Variants in TMEM248 observed in about 807,000 individuals in gnomAD.
TMEM248 encodes the protein UPF0458 protein C7orf42.
A neutral mutation model predicts 30.3 loss-of-function variants in TMEM248; 9 were observed. The observed-to-expected ratio is 0.30, with a 90% CI of 0.18 to 0.52. TMEM248 has a LOEUF of 0.52. Among genes scored for constraint, TMEM248 ranks in the 20% least tolerant of loss-of-function variants. The pLI is 0.97. For missense variants in TMEM248, 338 were observed against 403.3 expected, an observed-to-expected ratio of 0.84 and a Z score of 1.39; for synonymous variants, 184 against 154.4, an observed-to-expected ratio of 1.19 and a Z score of -1.42.
intron 1 of TMEM248, among the ~76,000 whole-genome samples, chr7:66,926,827 T>C (rs1260971753): frequency 3.9e-5 from 6 of 152,198 alleles, no homozygotes; most frequent in Non-Finnish European, 7.3e-5. Context: ...ACAAGAGGTC[T>C]GTAGTGTTTT....
In TMEM248 at chr7:66,944,197, C is replaced by A. The variant is rs561849112; in HGVS notation, c.160-779C>A. Reference sequence around the variant, plus strand: ...TCCTCTCACTGCAACCTCCACCTCCCAGGTTCAAGCGATTCTCCTGCCTCA... The same window carrying A: ...TCCTCTCACTGCAACCTCCACCTCCAAGGTTCAAGCGATTCTCCTGCCTCA... On this transcript the variant is annotated intron_variant, in intron 2 of 6. Transcript: ENST00000341567. 1.8e-4 allele frequency among the ~76,000 whole-genome samples: 27 copies of A among 151,372 alleles called. 1 individual carries two copies. The South Asian group carries it at 3.8e-3, about 21-fold the overall frequency.
At chr7:66,936,241 G>C (rs146531144) in intron 1 of TMEM248, among the ~76,000 whole-genome samples, 100 of 152,198 alleles carry the variant, frequency 6.6e-4, no homozygotes, top group African/African-American at 2.1e-3. Context: ...TCTAAGCCCA[G>C]TTTTTTTGAG....
chr7:66,951,905 T>G (rs1389454383), intron 5 of TMEM248, among the ~76,000 whole-genome samples: 1 of 152,010 alleles, frequency 6.6e-6, no homozygotes, highest in Non-Finnish European at 1.5e-5. Flanking sequence ...CAAGCGATCC[T>G]CCTGCCTTGG....
Position 66,953,388 on chromosome 7 carries a change from C to G in TMEM248, c.924+19C>G, listed in dbSNP as rs763507512. 6.2e-7 allele frequency: 1 copy of G among 1,611,838 alleles called. No individual in the cohort carries two copies. On this transcript the variant is annotated intron_variant, in intron 6 of 6. Transcript: ENST00000341567. ...CGAGAAGGTGAGCGGTGGATGGGGT[C>G]CGGGCCAGCATTTTACTAGAGGTCT...
intron 3 of TMEM248, among the ~76,000 whole-genome samples, chr7:66,947,432 T>A (rs1792136684): frequency 6.6e-6 from 1 of 152,142 alleles, no homozygotes; most frequent in Non-Finnish European, 1.5e-5. Flanking sequence ...AGATGGAGTC[T>A]CACTCTGTCG....
Position 66,958,509 on chromosome 7 carries a change from A to G in TMEM248, c.*2987A>G, listed in dbSNP as rs945358569. ...TTCCAGATTAATTTTCCGTGTTTGA[A>G]GTATGTGCATATGTGCTTTACAGAA... is the stretch of plus-strand genomic sequence containing the variant. On this transcript the variant is annotated 3_prime_UTR_variant, in exon 7 of 7. Coordinates refer to ENST00000341567, the MANE Select transcript of TMEM248 (RefSeq NM_017994.5). 1.3e-5 allele frequency: 2 copies of G among 152,642 alleles called. No individual in the cohort carries two copies. The highest frequency in any genetic ancestry group is 4.8e-5 in the African/African-American group (2 of 41,458). 9.5% of individuals were successfully genotyped at this position (152,642 alleles called of 1,614,324 possible).
intron 1 of TMEM248, among the ~76,000 whole-genome samples, chr7:66,933,613 T>C (rs1236685478): frequency 6.6e-6 from 1 of 152,260 alleles, no homozygotes; most frequent in Non-Finnish European, 1.5e-5. Flanking sequence ...CGCCCCTTTT[T>C]AAGGAACTTG....
chr7:66,948,220 GA>G (rs1792163006), intron 3 of TMEM248, among the ~76,000 whole-genome samples: 1 of 152,214 alleles, frequency 6.6e-6, no homozygotes, highest in South Asian at 2.1e-4. Flanking sequence ...AAAGATGTTT[GA>G]AAATGGCTAG....
intron 5 of TMEM248, among the ~76,000 whole-genome samples, chr7:66,951,742 A>G (rs1043654435): frequency 1.3e-5 from 2 of 151,978 alleles, no homozygotes; most frequent in Non-Finnish European, 2.9e-5. Flanking sequence ...TAGTGGCGCA[A>G]TCATAGCTCA....
intron 3 of TMEM248, 66 bp from the exon 4 acceptor site, chr7:66,948,478 T>G: frequency 6.5e-7 from 1 of 1,544,510 alleles, no homozygotes; most frequent in East Asian, 2.4e-5. Context: ...CAGGATTTAT[T>G]TGTATCCCAG....
At position 66,948,585 on chromosome 7, in the gene TMEM248, C is replaced by G. The variant is rs1792177139; in HGVS notation, c.487C>G (p.Pro163Ala). The G allele has an allele frequency of 6.2e-7, 1 of 1,614,056 alleles. No individual in the cohort carries two copies. The highest frequency in any genetic ancestry group is 8.5e-7 in the Non-Finnish European group (1 of 1,179,974). The change falls in exon 4 of 7, where the codon CCT becomes GCT. Residue 163 changes from proline (P) to alanine (A), a missense_variant. Pro to Ala is a conservative substitution (Grantham distance 27). Coordinates refer to ENST00000341567, the MANE Select transcript of TMEM248 (RefSeq NM_017994.5). ...GGAGATAAACATCACCTTCACCCTG[C>G]CTACAGCGTGGAGCTCAGATGACTG... Reference protein sequence around the residue: ...HEEINITFTLPTAWSSDDCAL... With the variant: ...HEEINITFTLATAWSSDDCAL...
intron 6 of TMEM248, among the ~76,000 whole-genome samples, chr7:66,955,214 G>A (rs1045739873): frequency 6.6e-5 from 10 of 152,192 alleles, no homozygotes; most frequent in Non-Finnish European, 1.3e-4. Context: ...AGTAACCTAC[G>A]ATTGCACCAC....
chr7:66,953,351 T>C lies in TMEM248; in HGVS notation c.906T>C (p.Pro302=). The stretch of plus-strand genomic sequence containing the variant: ...CTAGCAAATTGCGTCAGAGCAATCC[T>C]GAATTTTGTCCCGAGAAGGTGAGCG... ...GRPSKLRQSN[P]EFCPEKVALA... Residue 302 remains proline, a synonymous_variant, in exon 6 of 7, where the codon CCT becomes CCC. Coordinates refer to ENST00000341567, the MANE Select transcript of TMEM248 (RefSeq NM_017994.5). The C allele has an allele frequency of 6.2e-7, 1 of 1,614,088 alleles. No homozygotes were observed. Among genetic ancestry groups the C allele is most frequent in the Non-Finnish European group, 8.5e-7 (1 of 1,179,952 alleles).
intron 3 of TMEM248, among the ~76,000 whole-genome samples, chr7:66,945,613 A>G (rs557243117): frequency 7.5e-4 from 114 of 152,290 alleles, no homozygotes; most frequent in Non-Finnish European, 1.1e-3. Flanking sequence ...TTTAATGGCC[A>G]TTGTTAGTCT....
At chr7:66,947,803 G>T (rs575585827) in intron 3 of TMEM248, among the ~76,000 whole-genome samples, 1 of 149,166 alleles carries the variant, frequency 6.7e-6, no homozygotes, top group African/African-American at 2.5e-5. Context: ...TTGATCTGTC[G>T]CCAGGCTAGA....
chr7:66,931,313 A>AG (rs1326494638), intron 1 of TMEM248, among the ~76,000 whole-genome samples: 2 of 151,612 alleles, frequency 1.3e-5, no homozygotes, highest in African/African-American at 4.8e-5. Flanking sequence ...AAAAAAAAAA[A>AG]AAAAAAAAGA....
intron 5 of TMEM248, chr7:66,951,410 G>A (rs1792266582): frequency 3.3e-6 from 1 of 307,652 alleles, no homozygotes; most frequent in Non-Finnish European, 5.9e-6. Context: ...CCCTGGGGGG[G>A]GTTACAAGGG....
intron 6 of TMEM248, among the ~76,000 whole-genome samples, 174 bp downstream of exon 6, chr7:66,953,543 C>G (rs1007220652): frequency 4.6e-5 from 7 of 152,182 alleles, no homozygotes; most frequent in Non-Finnish European, 7.3e-5. Context: ...TATCGAAATT[C>G]ATGAATGTCC....
At chr7:66,922,447 G>A (rs1791410717) in intron 1 of TMEM248, among the ~76,000 whole-genome samples, 1 of 152,074 alleles carries the variant, frequency 6.6e-6, no homozygotes, top group Non-Finnish European at 1.5e-5. Flanking sequence ...TAGGGATTCT[G>A]ACAGGAAATA....
Sources: gnomAD v4.1 joint callset for allele counts (sites outside exome capture counted in the v4.1 genomes callset) on GRCh38, gnomAD v4.1.1 for gene constraint, MANE v1.5 for transcripts, NCBI Gene and HGNC (gene_info 2026-07-23, HGNC 2026-07-21) for gene names.